The following KCNMA1 variants were observed in gnomAD, a reference collection of about 807,000 sequenced individuals.
KCNMA1 encodes the protein potassium calcium-activated channel subfamily M alpha 1, also known as Calcium-activated potassium channel subunit alpha-1.
KCNMA1 carries 29 observed loss-of-function variants against 140.0 expected under a neutral mutation model. That is an observed-to-expected ratio of 0.21 (90% CI 0.15 to 0.28). The LOEUF is 0.28. Among genes scored for constraint, KCNMA1 ranks in the 10% least tolerant of loss-of-function variants. The pLI is 1.00. For synonymous variants in KCNMA1, 612 were observed against 611.9 expected, an observed-to-expected ratio of 1.00 and a Z score of 0.00; for missense variants, 880 against 1,602.2, an observed-to-expected ratio of 0.55 and a Z score of 7.70.
intron 1 of KCNMA1, among the ~76,000 whole-genome samples, chr10:77,510,789 C>T (rs992328687): frequency 6.6e-6 from 1 of 152,036 alleles, no homozygotes. Context: ...CAAGAAAGGC[C>T]CTGCTTCTTT....
At position 77,601,522 on chromosome 10, in the gene KCNMA1, G is replaced by A. The variant is rs141526043; in HGVS notation, c.378+35743C>T. ...GGACCATGTGATGACCTTTATACCC[G>A]TGGATTACATATTGACTCTCCTTTC... On this transcript the variant is annotated intron_variant, in intron 1 of 27. Coordinates refer to ENST00000286628, the MANE Select transcript of KCNMA1 (RefSeq NM_001161352.2). 9.2e-5 allele frequency among the ~76,000 whole-genome samples: 14 copies of A among 152,246 alleles called. No individual in the cohort carries two copies. The East Asian group carries it at 2.3e-3, about 25-fold the overall frequency.
chr10:77,313,633 A>T (rs1362084191), intron 2 of KCNMA1, among the ~76,000 whole-genome samples: 1 of 152,150 alleles, frequency 6.6e-6, no homozygotes, highest in Non-Finnish European at 1.5e-5. Context: ...CAGGAAACCT[A>T]ATCAGTGTCC....
At position 77,373,926 on chromosome 10, in the gene KCNMA1, G is replaced by A. The variant is rs1475969141; in HGVS notation, c.540+29936C>T. 5.3e-5 allele frequency: 8 copies of A among 152,230 alleles called. 1 individual carries two copies. Among genetic ancestry groups the A allele is most frequent in the South Asian group, 4.1e-4 (2 of 4,830 alleles). 9.4% of individuals were successfully genotyped at this position (152,230 alleles called of 1,614,324 possible). On this transcript the variant is annotated intron_variant, in intron 2 of 27. Transcript: ENST00000286628. ...CTTTGCCTGAAGGAACCATGGCAGGGACACCAGAAGACAAAGGAGGGAGAC... is the reference window on the plus strand; with the variant it reads ...CTTTGCCTGAAGGAACCATGGCAGGAACACCAGAAGACAAAGGAGGGAGAC...
At chr10:77,183,350 T>C in intron 5 of KCNMA1, 71 bp downstream of exon 5, 7 of 978,442 alleles carry the variant, frequency 7.2e-6, no homozygotes, top group Non-Finnish European at 1.0e-5. Context: ...AGCCCCCTCA[T>C]CCACTGCAAA....
chr10:77,048,328 C>A (rs1170307555), intron 14 of KCNMA1, among the ~76,000 whole-genome samples: 1 of 152,166 alleles, frequency 6.6e-6, no homozygotes, highest in East Asian at 1.9e-4. Flanking sequence ...GGACCATGGA[C>A]CACACTTGGA....
chr10:77,182,468 T>C (rs1250675504), intron 5 of KCNMA1, among the ~76,000 whole-genome samples: 1 of 152,146 alleles, frequency 6.6e-6, no homozygotes, highest in Non-Finnish European at 1.5e-5. Context: ...TAAAACACTA[T>C]CATGTGTGCA....
chr10:77,128,599 C>G (rs1242513515), intron 5 of KCNMA1, among the ~76,000 whole-genome samples: 1 of 151,962 alleles, frequency 6.6e-6, no homozygotes, highest in East Asian at 1.9e-4. Context: ...CAGAGTGATT[C>G]TAATGAGCCA....
intron 1 of KCNMA1, among the ~76,000 whole-genome samples, chr10:77,571,234 G>A (rs976573792): frequency 4.6e-5 from 7 of 152,074 alleles, no homozygotes; most frequent in Non-Finnish European, 7.3e-5. Context: ...ACTTTCACTC[G>A]TGGTGACTGG....
chr10:77,298,815 T>C (rs1256782323), intron 2 of KCNMA1, among the ~76,000 whole-genome samples: 2 of 152,104 alleles, frequency 1.3e-5, no homozygotes, highest in African/African-American at 2.4e-5. Flanking sequence ...CAAACCTTCC[T>C]CCAGACTGGC....
At chr10:77,027,376 C>A (rs2093556935) in intron 16 of KCNMA1, among the ~76,000 whole-genome samples, 1 of 152,174 alleles carries the variant, frequency 6.6e-6, no homozygotes, top group Admixed American at 6.5e-5. Context: ...ACATATGGTA[C>A]ACAATAGGCT....
At chr10:77,570,770 GA>G (rs71028288) in intron 1 of KCNMA1, among the ~76,000 whole-genome samples, 24,086 of 148,116 alleles carry the variant, frequency 0.16, 2,173 homozygotes, top group Middle Eastern at 0.25. Context: ...TTTTGAATGG[GA>G]AAAAAAAAAA....
intron 1 of KCNMA1, among the ~76,000 whole-genome samples, chr10:77,563,438 A>T (rs543039860): frequency 6.6e-6 from 1 of 152,150 alleles, no homozygotes; most frequent in East Asian, 1.9e-4. Flanking sequence ...CCATCCTTTG[A>T]TGCATTTCAG....
chr10:77,041,398 T>G lies in KCNMA1; in HGVS notation c.1750-1761A>C, dbSNP rs1432169618. On this transcript the variant is annotated intron_variant, in intron 14 of 27. Coordinates refer to ENST00000286628, the MANE Select transcript of KCNMA1 (RefSeq NM_001161352.2). ...CCAGGATGGTCTCGATCTCCTGACC[T>G]CGTGATCCGCCCGCCTCGGCCTCCC... Among the ~76,000 whole-genome samples the G allele has an allele frequency of 2.4e-3, 32 of 13,584 alleles. 13 individuals are homozygous for G. Among genetic ancestry groups the G allele is most frequent in the Admixed American group, 0.022 (31 of 1,378 alleles). 8.9% of individuals were successfully genotyped at this position (13,584 alleles called of 152,430 possible).
intron 5 of KCNMA1, among the ~76,000 whole-genome samples, chr10:77,160,026 G>T (rs183153846): frequency 6.6e-6 from 1 of 152,174 alleles, no homozygotes. Context: ...GAAATAAGTG[G>T]ATGGAGGTGG....
chr10:77,239,202 A>G (rs111505499), intron 3 of KCNMA1, among the ~76,000 whole-genome samples: 9 of 152,082 alleles, frequency 5.9e-5, no homozygotes, highest in African/African-American at 1.9e-4. Flanking sequence ...TCCTTAATGC[A>G]CTCCTGTGCC....
chr10:77,419,424 G>C (rs1004105564), intron 1 of KCNMA1, among the ~76,000 whole-genome samples: 30 of 152,100 alleles, frequency 2.0e-4, no homozygotes, highest in African/African-American at 6.8e-4. Flanking sequence ...TGAATCCCAA[G>C]TCTCTTTGTT....
At chr10:77,034,110 G>A (rs2094148528) in intron 15 of KCNMA1, among the ~76,000 whole-genome samples, 1 of 151,974 alleles carries the variant, frequency 6.6e-6, no homozygotes, top group Non-Finnish European at 1.5e-5. Flanking sequence ...CGGTTGTGGT[G>A]GCACACGTCT....
rs555179576 is a variant in KCNMA1, at chr10:77,296,600, G to A, written c.541-45344C>T. Among the ~76,000 whole-genome samples, 7 of 152,178 alleles carry A rather than the reference G, an allele frequency of 4.6e-5. No homozygotes were observed. In the South Asian group the frequency reaches 6.2e-4, roughly 14 times the overall value. ...ACCCTTGATTGATCATTCTGCTGGG[G>A]ACAGGACAGATTTTCCATAACACTA... On this transcript the variant is annotated intron_variant, in intron 2 of 27. Transcript: ENST00000286628.
rs200148907 is a variant in KCNMA1 at position 77,158,784 on chromosome 10, GGAA to G, written c.808+24634_808+24636del. On this transcript the variant is annotated intron_variant, in intron 5 of 27. Coordinates refer to ENST00000286628, the MANE Select transcript of KCNMA1 (RefSeq NM_001161352.2). ...GTAGTTGCCCAGGTTTTATTTCAAG[GGAA>G]GAAGGAGTTCAAGGTGATAGCTCTC... Among the ~76,000 whole-genome samples the G allele has an allele frequency of 2.2e-3, 340 of 152,268 alleles. 1 individual carries two copies. The highest frequency in any genetic ancestry group is 4.8e-3 in the Admixed American group (73 of 15,294).
Sources: allele counts gnomAD v4.1 joint callset (sites outside exome capture counted in the v4.1 genomes callset), GRCh38; gene constraint gnomAD v4.1.1; transcripts MANE v1.5; gene names NCBI Gene and HGNC (gene_info 2026-07-23, HGNC 2026-07-21).